Variants in COL22A1 observed in about 807,000 individuals in gnomAD.
COL22A1 encodes the protein collagen type XXII alpha 1 chain, also known as collagen alpha-1(XXII) chain.
COL22A1 carries 221 observed loss-of-function variants against 248.9 expected under a neutral mutation model. The observed-to-expected ratio is 0.89, with a 90% confidence interval of 0.80 to 0.99. COL22A1 has a LOEUF of 0.99. Among genes scored for constraint, COL22A1 ranks in the 50% least tolerant of loss-of-function variants. The pLI, the probability that COL22A1 is intolerant of heterozygous loss-of-function variation, is 0.00. For missense variants in COL22A1, 2,240 were observed against 2,179.0 expected (o/e 1.03, Z -0.56); for synonymous variants, 891 against 793.4 (o/e 1.12, Z -2.07).
intron 43 of COL22A1, among the ~76,000 whole-genome samples, chr8:138,661,263 G>C (rs1265389433): frequency 6.6e-6 from 1 of 152,204 alleles, no homozygotes; most frequent in Non-Finnish European, 1.5e-5. Context: ...GAATAAGACA[G>C]TAACCTTCTC....
At chr8:138,597,653 G>A (rs190635379) in intron 61 of COL22A1, among the ~76,000 whole-genome samples, 15 of 152,358 alleles carry the variant, frequency 9.8e-5, no homozygotes, top group Non-Finnish European at 1.9e-4. Context: ...CCAGGGCACT[G>A]TCTACCCCTC....
chr8:138,782,720 G>A (rs1391586018), intron 12 of COL22A1, among the ~76,000 whole-genome samples: 1 of 152,218 alleles, frequency 6.6e-6, no homozygotes, highest in Non-Finnish European at 1.5e-5. Flanking sequence ...GCTGCAAGGT[G>A]AGGCAAGGTT....
At chr8:138,791,270 A>G (rs1156840433) in intron 12 of COL22A1, among the ~76,000 whole-genome samples, 2 of 152,206 alleles carry the variant, frequency 1.3e-5, no homozygotes, top group South Asian at 2.1e-4. Flanking sequence ...GGAAGAATCA[A>G]TAACAGGAAG....
intron 1 of COL22A1, 93 bp from the exon 2 acceptor site, chr8:138,883,337 C>T: frequency 3.0e-6 from 2 of 672,796 alleles, no homozygotes; most frequent in Non-Finnish European, 4.9e-6. Flanking sequence ...TTCCCTACAC[C>T]CAGCCTTCCA....
intron 3 of COL22A1, among the ~76,000 whole-genome samples, chr8:138,858,676 G>T (rs1822225728): frequency 6.6e-6 from 1 of 152,150 alleles, no homozygotes; most frequent in Non-Finnish European, 1.5e-5. Flanking sequence ...AGATCCCCAG[G>T]GTCTTTATCG....
intron 40 of COL22A1, 103 bp downstream of exon 40, chr8:138,679,514 T>A: frequency 1.0e-6 from 1 of 960,812 alleles, no homozygotes; most frequent in Non-Finnish European, 1.7e-6. Flanking sequence ...CAAAGCCTAC[T>A]TATCAACTAA....
At chr8:138,743,246 T>C (rs1196300070) in intron 22 of COL22A1, among the ~76,000 whole-genome samples, 3 of 136,048 alleles carry the variant, frequency 2.2e-5, no homozygotes, top group African/African-American at 8.5e-5. Flanking sequence ...GATGGTGGAG[T>C]TGATGGTGAT....
intron 35 of COL22A1, among the ~76,000 whole-genome samples, chr8:138,691,476 T>C (rs1320388605): frequency 6.6e-6 from 1 of 151,546 alleles, no homozygotes; most frequent in East Asian, 2.0e-4. Context: ...TGTGCATGTT[T>C]GTGGAGGTAT....
chr8:138,613,195 C>A (rs9324489), intron 56 of COL22A1, among the ~76,000 whole-genome samples: 85,696 of 148,688 alleles, frequency 0.58, 29,901 homozygotes, highest in Middle Eastern at 0.8. Context: ...TTGCAGTGAG[C>A]GGAGATCACG....
chr8:138,650,529 C>T (rs1234077294), intron 45 of COL22A1, among the ~76,000 whole-genome samples: 1 of 152,174 alleles, frequency 6.6e-6, no homozygotes, highest in Non-Finnish European at 1.5e-5. Flanking sequence ...GTACTCCAGC[C>T]TGCCTCATCC....
At chr8:138,671,198 G>A (rs918914599) in intron 41 of COL22A1, among the ~76,000 whole-genome samples, 6 of 152,032 alleles carry the variant, frequency 3.9e-5, no homozygotes, top group African/African-American at 1.4e-4. Context: ...GAAAAAGTAA[G>A]GTATGTCATG....
At chr8:138,774,348 G>A (rs1162958556) in intron 16 of COL22A1, among the ~76,000 whole-genome samples, 1 of 150,852 alleles carries the variant, frequency 6.6e-6, no homozygotes, top group Non-Finnish European at 1.5e-5. Context: ...GCAGCCTAAG[G>A]AAATAATCAT....
chr8:138,850,592 A>T (rs898006624), intron 3 of COL22A1, among the ~76,000 whole-genome samples: 3 of 152,232 alleles, frequency 2.0e-5, no homozygotes, highest in Non-Finnish European at 4.4e-5. Flanking sequence ...CACAAGAAAC[A>T]GTAACAAGGT....
intron 3 of COL22A1, among the ~76,000 whole-genome samples, chr8:138,873,394 C>T (rs545881776): frequency 7.2e-5 from 11 of 152,212 alleles, no homozygotes; most frequent in Middle Eastern, 3.4e-3. Context: ...ACTTCTAATG[C>T]GCACATCACA....
At chr8:138,622,929 G>T (rs1326501237) in intron 52 of COL22A1, among the ~76,000 whole-genome samples, 1 of 152,018 alleles carries the variant, frequency 6.6e-6, no homozygotes, top group African/African-American at 2.4e-5. Context: ...TGCCCTTGGT[G>T]TAGTGTCTGT....
At chr8:138,713,033 A>T (rs1829129495) in intron 30 of COL22A1, among the ~76,000 whole-genome samples, 2 of 152,318 alleles carry the variant, frequency 1.3e-5, no homozygotes, top group South Asian at 4.1e-4. Flanking sequence ...AGTAGAAAGG[A>T]TGTCAGTCAT....
intron 57 of COL22A1, 74 bp downstream of exon 57, chr8:138,607,862 A>G (rs559583038): frequency 1.4e-6 from 2 of 1,386,668 alleles, no homozygotes; most frequent in Admixed American, 3.5e-5. Flanking sequence ...GAGGCTGGAC[A>G]ATCTGTAATG....
chr8:138,790,479 C>T (rs1815937338), intron 12 of COL22A1, among the ~76,000 whole-genome samples: 1 of 152,326 alleles, frequency 6.6e-6, no homozygotes, highest in East Asian at 1.9e-4. Flanking sequence ...TTGGTCAACA[C>T]TCTGGGAGAG....
chr8:138,886,109 G>A (rs944142130), intron 1 of COL22A1, among the ~76,000 whole-genome samples: 4 of 152,106 alleles, frequency 2.6e-5, no homozygotes, highest in East Asian at 1.9e-4. Flanking sequence ...ATTATTCCCC[G>A]TATCACCTTC....
Sources: gnomAD v4.1 joint callset for allele counts (sites outside exome capture counted in the v4.1 genomes callset) on GRCh38, gnomAD v4.1.1 for gene constraint, MANE v1.5 for transcripts, NCBI Gene and HGNC (gene_info 2026-07-23, HGNC 2026-07-21) for gene names.